The following CUL4B variants were observed in gnomAD, a reference collection of about 807,000 sequenced individuals.
CUL4B encodes cullin-4B.
Under a neutral mutation model 69.2 loss-of-function variants are expected in CUL4B, and 1 was observed. The ratio of observed to expected loss-of-function variants is 0.01; its 90% CI spans 0.01 to 0.07. The LOEUF is 0.07. Ranked by LOEUF, CUL4B falls within the 10% of genes least tolerant of loss-of-function variation. The probability of loss-of-function intolerance (pLI) is 1.00; values close to 1 mark genes in which losing one functional copy is unlikely to be tolerated. For synonymous variants in CUL4B, 237 were observed against 223.2 expected, an observed-to-expected ratio of 1.06 and a Z score of -0.55; for missense variants, 328 against 638.8, an observed-to-expected ratio of 0.51 and a Z score of 5.24.
At chrX:120,543,606 A>G in intron 8 of CUL4B, 121 bp downstream of exon 8, 4 of 530,575 alleles carry the variant, frequency 7.5e-6, no homozygotes, top group Non-Finnish European at 1.3e-5. Context: ...GTATTATGAA[A>G]ACAACTGTTA....
At chrX:120,558,738 C>T (rs1355475551) in intron 1 of CUL4B, among the ~76,000 whole-genome samples, 2 of 111,934 alleles carry the variant, frequency 1.8e-5, no homozygotes, top group Non-Finnish European at 3.8e-5. Context: ...TTAAACTTCA[C>T]TGACTAGCAA....
At chrX:120,541,188 T>C (rs775587170) in intron 10 of CUL4B, among the ~76,000 whole-genome samples, 4 of 112,539 alleles carry the variant, frequency 3.6e-5, no homozygotes, top group African/African-American at 1.3e-4. Context: ...TTTAAACAAA[T>C]TTAAAATTCC....
intron 18 of CUL4B, among the ~76,000 whole-genome samples, chrX:120,531,461 G>GA (rs1556184355): frequency 2.9e-5 from 3 of 102,478 alleles, no homozygotes; most frequent in Non-Finnish European, 6.0e-5. Flanking sequence ...CCCTGTTTTT[G>GA]TTTTTTTTTT....
At chrX:120,569,522 G>A (rs368424714), downstream of CUL4B, among the ~76,000 whole-genome samples, 269 of 110,566 alleles carry the variant, frequency 2.4e-3, no homozygotes, top group African/African-American at 8.3e-3. Flanking sequence ...CACCACGCCC[G>A]GCTAACTTTT....
chrX:120,555,162 G>A (rs1247031791), intron 2 of CUL4B, among the ~76,000 whole-genome samples: 1 of 112,054 alleles, frequency 8.9e-6, no homozygotes, highest in Non-Finnish European at 1.9e-5. Flanking sequence ...ACAAAAACAA[G>A]AGATGCAAGC....
intron 17 of CUL4B, 34 bp from the exon 18 acceptor site, chrX:120,532,628 C>T: frequency 2.7e-6 from 3 of 1,109,037 alleles, no homozygotes; most frequent in Non-Finnish European, 3.7e-6. Context: ...TTATTTGTTA[C>T]CAGCATGAAC....
chrX:120,537,482 T>G (rs1372258116), intron 14 of CUL4B, among the ~76,000 whole-genome samples: 1 of 109,829 alleles, frequency 9.1e-6, no homozygotes, highest in African/African-American at 3.3e-5. Context: ...TGACCTGGAG[T>G]AGGGAAGGAA....
In CUL4B at chrX:120,560,386, G is replaced by C; in HGVS notation, c.253C>G (p.Leu85Val). 1 of 1,207,951 alleles carries C rather than the reference G, an allele frequency of 8.3e-7. No homozygotes were observed. Among genetic ancestry groups the C allele is most frequent in the Non-Finnish European group, 1.1e-6 (1 of 893,189 alleles). ...CTGGAAGCAGCCACTGAAACCCCCA[G>C]GCAGAAGGACGAGGTTGAAGGGGAT... The part of the protein sequence containing the change: ...SASPSTSSFC[L>V]GVSVAASSHV... The change falls in exon 1 of 20, where the codon CTG becomes GTG. Residue 85 changes from leucine to valine, a missense_variant. By Grantham distance (32) the Leu-to-Val change is conservative. Around this residue, in one of 4 missense-constraint regions of CUL4B, gnomAD observed 102 missense variants for 122.1 expected, o/e 0.84. Coordinates refer to ENST00000371322, the MANE Select transcript of CUL4B (RefSeq NM_001079872.2).
upstream of CUL4B, among the ~76,000 whole-genome samples, chrX:120,565,722 C>CT (rs757952500): frequency 1.3e-3 from 75 of 59,435 alleles, 1 homozygote; most frequent in South Asian, 2.3e-3. Context: ...AGTCCATTTA[C>CT]TTTTTTTTTT....
Position 120,530,246 on chromosome X carries a change from T to C in CUL4B, c.2448A>G (p.Glu816=), listed in dbSNP as rs758581715. 12 of 1,208,388 alleles carry C rather than the reference T, an allele frequency of 9.9e-6. No homozygotes were observed. The highest frequency in any genetic ancestry group is 1.2e-5 in the Non-Finnish European group (11 of 894,227). ...NQIQMKETVE[E]QASTTERVFQ... ...ATACTCTTTCTGTAGTGCTTGCTTG[T>C]TCTTCAACCTAACAAAAAAGTTTTA... Residue 816 remains glutamate, a synonymous_variant, in exon 19 of 20, where the codon GAA becomes GAG. Transcript: ENST00000371322.
intron 10 of CUL4B, 72 bp from the exon 11 acceptor site, chrX:120,540,634 T>C: frequency 1.4e-6 from 1 of 722,541 alleles, no homozygotes; most frequent in Non-Finnish European, 2.1e-6. Context: ...AAATCATATT[T>C]TAAGTGGCAT....
At chrX:120,561,281 TC>T, upstream of CUL4B, 2 of 532,728 alleles carry the variant, frequency 3.8e-6, no homozygotes, top group Non-Finnish European at 6.9e-6. Context: ...CGATCCCCTT[TC>T]CTGGCAGCGC....
At chrX:120,536,352 G>C (rs1923670297) in intron 15 of CUL4B, among the ~76,000 whole-genome samples, 1 of 111,723 alleles carries the variant, frequency 9.0e-6, no homozygotes, top group African/African-American at 3.3e-5. Flanking sequence ...CTACTCCCTG[G>C]GCCTTCATAA....
intron 1 of CUL4B, chrX:120,559,762 G>A: frequency 9.5e-7 from 1 of 1,047,957 alleles, no homozygotes; most frequent in South Asian, 2.0e-5. Context: ...AACCTCTTTA[G>A]AATACAAATT....
Position 120,540,668 on chromosome X carries a change from G to T in CUL4B, c.1444-106C>A, listed in dbSNP as rs977240456. On this transcript the variant is annotated intron_variant, in intron 10 of 19. Coordinates refer to ENST00000371322, the MANE Select transcript of CUL4B (RefSeq NM_001079872.2). ...ATATATATTTAAAGATCTTTAAAAA[G>T]TAAGATAAAGCTATTTTTAAGATGG... 296 of 584,642 alleles carry T rather than the reference G, an allele frequency of 5.1e-4. 1 individual carries two copies. Among genetic ancestry groups the T allele is most frequent in the Non-Finnish European group, 6.1e-4 (228 of 375,678 alleles). 48.2% of individuals were successfully genotyped at this position (584,642 alleles called of 1,213,427 possible).
At chrX:120,530,042 A>T (rs958346615) in intron 19 of CUL4B, 60 bp downstream of exon 19, 1 of 1,105,546 alleles carries the variant, frequency 9.0e-7, no homozygotes, top group Middle Eastern at 2.6e-4. Context: ...TGTGTCTGAA[A>T]ATCTAATGTA....
upstream of CUL4B, among the ~76,000 whole-genome samples, chrX:120,566,365 A>ATGTATATATATATATATATATATG (rs779869075): frequency 1.7e-5 from 1 of 58,770 alleles, no homozygotes; most frequent in African/African-American, 5.2e-5. Flanking sequence ...ATATATATAT[A>ATGTATATATATATATATATATATG]TATATATATA....
intron 1 of CUL4B, chrX:120,559,796 A>G (rs759468425): frequency 2.9e-5 from 32 of 1,088,238 alleles, no homozygotes; most frequent in Non-Finnish European, 2.5e-5. Flanking sequence ...ATCCGGATCA[A>G]TCATACCGAT....
upstream of CUL4B, chrX:120,561,038 G>A (rs1925269697): frequency 3.1e-5 from 30 of 972,542 alleles, no homozygotes; most frequent in Non-Finnish European, 3.6e-5. Flanking sequence ...AAGGGGGAGG[G>A]GGAAAGAACC....
Sources: allele counts gnomAD v4.1 joint callset (sites outside exome capture counted in the v4.1 genomes callset), GRCh38; gene constraint gnomAD v4.1.1; regional missense constraint gnomAD v4.1.1; transcripts MANE v1.5; gene names NCBI Gene and HGNC (gene_info 2026-07-23, HGNC 2026-07-21).